Variants in ZBED6 observed in about 807,000 individuals in gnomAD.
ZBED6 encodes zinc finger BED domain-containing protein 6.
A neutral mutation model predicts 58.4 loss-of-function variants in ZBED6; 40 were observed. That is an observed-to-expected ratio of 0.68 (90% CI 0.53 to 0.89). ZBED6 has a LOEUF of 0.89. ZBED6 is among the 40% of genes least tolerant of loss of function. The pLI is 0.00. For synonymous variants in ZBED6, 439 were observed against 350.6 expected (o/e 1.25, Z -2.82); for missense variants, 1,057 against 1,003.9 (o/e 1.05, Z -0.71).
At chr1:203,839,731 A>G (rs954576619) in intron 10 of ZBED6, among the ~76,000 whole-genome samples, 12 of 152,328 alleles carry the variant, frequency 7.9e-5, no homozygotes, top group African/African-American at 1.9e-4. Flanking sequence ...AAGGCTCTAC[A>G]ATAACAAAAT....
intron 11 of ZBED6, among the ~76,000 whole-genome samples, chr1:203,842,123 G>A (rs1686522937): frequency 6.6e-6 from 1 of 151,040 alleles, no homozygotes; most frequent in Non-Finnish European, 1.5e-5. Context: ...AGACTGGGCG[G>A]CTGGGCGGAA....
At chr1:203,821,055 A>G (rs1678494589) in intron 3 of ZBED6, among the ~76,000 whole-genome samples, 1 of 152,096 alleles carries the variant, frequency 6.6e-6, no homozygotes, top group African/African-American at 2.4e-5. Context: ...TCTCACCTCT[A>G]TCGTAATCCC....
exon 17 of ZBED6, chr1:203,852,159 C>G: frequency 6.2e-7 from 1 of 1,613,606 alleles, no homozygotes; most frequent in Non-Finnish European, 8.5e-7. Context: ...TGCCTCCAAC[C>G]CAGTCCTCTT....
chr1:203,850,053 T>C, intron 14 of ZBED6, 27 bp downstream of exon 14: 1 of 1,596,128 alleles, frequency 6.3e-7, no homozygotes, highest in Non-Finnish European at 8.5e-7. Context: ...TGTGTATTGC[T>C]TTAGGTTATC....
chr1:203,835,481 G>T (rs929803462), intron 9 of ZBED6: 12 of 156,052 alleles, frequency 7.7e-5, no homozygotes, highest in African/African-American at 2.9e-4. Context: ...TGTAAATCAA[G>T]AAACAATAAC....
rs1327473673 is a variant in ZBED6, at chr1:203,800,041, C to G, written c.2519C>G (p.Ser840Ter). 6.5e-7 allele frequency: 1 copy of G among 1,536,108 alleles called. No homozygotes were observed. Among genetic ancestry groups the G allele is most frequent in the Admixed American group, 2.0e-5 (1 of 51,002 alleles). The stretch of plus-strand genomic sequence containing the variant: ...TCTCTAAAAGAAGGCACCTCCAGTT[C>G]AGGTTCTGTTGATAGCTCAGCTGTA... The change falls in exon 1 of 17, where the codon TCA becomes TGA. Residue 840 changes from serine to a stop codon, truncating the protein, a stop_gained. Coordinates refer to ENST00000550078, the Ensembl canonical transcript of ZBED6. LOFTEE classifies it high-confidence loss of function.
At chr1:203,800,700 TA>T (rs1670299227) in exon 1 of ZBED6, 1 of 331,968 alleles carries the variant, frequency 3.0e-6, no homozygotes, top group Non-Finnish European at 5.4e-6. Context: ...AGAGAGAAGA[TA>T]TTTTTAATTA....
intron 10 of ZBED6, among the ~76,000 whole-genome samples, 175 bp downstream of exon 10, chr1:203,838,239 C>T (rs1193855392): frequency 1.3e-5 from 2 of 152,020 alleles, no homozygotes; most frequent in Non-Finnish European, 2.9e-5. Context: ...TGGGTAGACA[C>T]CATTGAAAAA....
At chr1:203,834,622 A>C (rs1231328933) in intron 9 of ZBED6, among the ~76,000 whole-genome samples, 2 of 152,200 alleles carry the variant, frequency 1.3e-5, no homozygotes, top group Non-Finnish European at 2.9e-5. Context: ...ATTGTTGTAT[A>C]ACTACCCTAA....
rs2102753859 is a variant in ZBED6 at position 203,816,254 on chromosome 1, A to G, written c.*2555-672A>G. ...GTAACCTAAGTCCCATTAATAATCT[A>G]AAATGTATGTAGTCTTTTGAGACTT... is the stretch of plus-strand genomic sequence containing the variant. On this transcript the variant is annotated intron_variant, in intron 1 of 16. Coordinates refer to ENST00000550078, the Ensembl canonical transcript of ZBED6. Among the ~76,000 whole-genome samples, 2 of 152,340 alleles carry G rather than the reference A, an allele frequency of 1.3e-5. 1 individual carries two copies. The highest frequency in any genetic ancestry group is 4.1e-4 in the South Asian group (2 of 4,832).
chr1:203,828,189 C>A, intron 3 of ZBED6, 110 bp from the exon 4 acceptor site: 1 of 1,300,270 alleles, frequency 7.7e-7, no homozygotes, highest in Non-Finnish European at 1.1e-6. Flanking sequence ...TCTCATCTCA[C>A]ATGCCTCGGA....
chr1:203,811,217 C>T (rs767342015), intron 1 of ZBED6, among the ~76,000 whole-genome samples: 52 of 150,712 alleles, frequency 3.5e-4, no homozygotes, highest in Non-Finnish European at 5.5e-4. Flanking sequence ...CTGAGGCAGG[C>T]GACTCACTTG....
chr1:203,818,423 C>G (rs957554193), intron 2 of ZBED6, 147 bp from the exon 3 acceptor site: 53 of 1,064,684 alleles, frequency 5.0e-5, no homozygotes, highest in Non-Finnish European at 7.1e-5. Flanking sequence ...TCGGTTTGTT[C>G]CTGTCATTCC....
chr1:203,800,360 G>C, exon 1 of ZBED6: 1 of 946,328 alleles, frequency 1.1e-6, no homozygotes, highest in South Asian at 1.4e-5. Flanking sequence ...TTCTGAAAAT[G>C]AACTTGAAAA....
intron 2 of ZBED6, 96 bp from the exon 3 acceptor site, chr1:203,818,474 T>C: frequency 6.5e-7 from 1 of 1,529,528 alleles, no homozygotes; most frequent in South Asian, 1.2e-5. Flanking sequence ...TTCTTACTCA[T>C]TTGTGCTTGT....
intron 11 of ZBED6, among the ~76,000 whole-genome samples, chr1:203,845,039 G>A (rs993845272): frequency 5.3e-5 from 8 of 151,970 alleles, no homozygotes; most frequent in African/African-American, 1.9e-4. Flanking sequence ...AGATCCCACC[G>A]TTGCTTTTAA....
intron 13 of ZBED6, among the ~76,000 whole-genome samples, chr1:203,848,731 CA>C (rs923909710): frequency 3.9e-5 from 6 of 152,108 alleles, no homozygotes; most frequent in Non-Finnish European, 8.8e-5. Flanking sequence ...ACTAAAAATA[CA>C]AAAAATAAAG....
chr1:203,816,036 A>G (rs915309582), intron 1 of ZBED6, among the ~76,000 whole-genome samples: 2 of 152,218 alleles, frequency 1.3e-5, no homozygotes, highest in African/African-American at 4.8e-5. Flanking sequence ...AGTCGTCTTC[A>G]TTAACGTAAG....
At chr1:203,800,373 G>A (rs1197152430) in exon 1 of ZBED6, 3 of 978,760 alleles carry the variant, frequency 3.1e-6, no homozygotes, top group Non-Finnish European at 1.6e-6. Context: ...CTTGAAAAAT[G>A]TTAACTACGA....
Sources: gnomAD v4.1 joint callset for allele counts (sites outside exome capture counted in the v4.1 genomes callset) on GRCh38, gnomAD v4.1.1 for gene constraint, MANE v1.5 for transcripts, NCBI Gene and HGNC (gene_info 2026-07-23, HGNC 2026-07-21) for gene names.